THRAP3: variants seen among roughly 807,000 people sequenced by gnomAD.
The protein encoded by THRAP3 is thyroid hormone receptor-associated protein 3.
A neutral mutation model predicts 101.0 loss-of-function variants in THRAP3; 16 were observed. The ratio of observed to expected loss-of-function variants is 0.16; its 90% CI spans 0.11 to 0.24. The LOEUF is 0.24. Among genes scored for constraint, THRAP3 ranks in the 10% least tolerant of loss-of-function variants. The pLI, the probability that THRAP3 is intolerant of heterozygous loss-of-function variation, is 1.00. For synonymous variants in THRAP3, 407 were observed against 422.6 expected (o/e 0.96, Z 0.45); for missense variants, 989 against 1,202.7 (o/e 0.82, Z 2.63).
upstream of THRAP3, among the ~76,000 whole-genome samples, chr1:36,224,164 G>T (rs963421322): frequency 6.6e-6 from 1 of 152,234 alleles, no homozygotes. Flanking sequence ...AGTGGCGTCA[G>T]CAACGCCCCC....
intron 1 of THRAP3, among the ~76,000 whole-genome samples, chr1:36,258,227 A>G (rs1004905523): frequency 6.6e-6 from 1 of 152,240 alleles, no homozygotes; most frequent in Non-Finnish European, 1.5e-5. Context: ...CTCACTAGCT[A>G]GGCAGAGCTG....
Position 36,289,504 on chromosome 1 carries a change from C to T in THRAP3, c.1485C>T (p.Phe495=), listed in dbSNP as rs766849081. ...CAGAGGAGCTGGAGGAGGAGTCTTT[C>T]CCAGAGAGATCCAAAAAGGAAGATC... The part of the protein sequence containing the change: ...RKTEELEEES[F]PERSKKEDRG... Residue 495 remains phenylalanine (F), a synonymous_variant, in exon 5 of 12, where the codon TTC becomes TTT. Coordinates refer to ENST00000354618, the MANE Select transcript of THRAP3 (RefSeq NM_005119.4). The T allele has an allele frequency of 2.5e-6, 4 of 1,613,998 alleles. No individual in the cohort carries two copies. Among genetic ancestry groups the T allele is most frequent in the Admixed American group, 3.3e-5 (2 of 59,984 alleles).
At chr1:36,269,523 A>G (rs1645561522) in intron 2 of THRAP3, among the ~76,000 whole-genome samples, 1 of 152,058 alleles carries the variant, frequency 6.6e-6, no homozygotes, top group Non-Finnish European at 1.5e-5. Context: ...TTTACTTTAG[A>G]TGTGTTTGAG....
intron 1 of THRAP3, among the ~76,000 whole-genome samples, chr1:36,251,231 T>C (rs1334364443): frequency 2.0e-4 from 31 of 152,164 alleles, no homozygotes; most frequent in Admixed American, 2.0e-3. Flanking sequence ...AAGGAAATGC[T>C]GGTAGCTTAT....
intron 2 of THRAP3, among the ~76,000 whole-genome samples, chr1:36,272,979 C>A (rs1428829399): frequency 1.3e-5 from 2 of 152,110 alleles, no homozygotes; most frequent in Admixed American, 1.3e-4. Flanking sequence ...AATTATTGTT[C>A]CTTCTTGTGA....
At chr1:36,240,617 C>T (rs576491984) in intron 1 of THRAP3, among the ~76,000 whole-genome samples, 48 of 152,318 alleles carry the variant, frequency 3.2e-4, no homozygotes, top group African/African-American at 1.1e-3. Flanking sequence ...AACATTGCCT[C>T]AGCCATATAG....
chr1:36,219,032 C>T, the THRAP3 span, among the ~76,000 whole-genome samples: 1 of 64,708 alleles, frequency 1.5e-5, no homozygotes, highest in African/African-American at 4.3e-5. Flanking sequence ...GGCTCCATCT[C>T]AAAAAAAAAA....
Position 36,272,224 on chromosome 1 carries a change from C to T in THRAP3, c.-31-10309C>T, listed in dbSNP as rs553979516. On this transcript the variant is annotated intron_variant, in intron 2 of 11. Coordinates refer to ENST00000354618, the MANE Select transcript of THRAP3 (RefSeq NM_005119.4). ...TAAACAGTTAAATTAAATGACCATT[C>T]TCCCCAGAGGGACATCACCCCCACT... 2.6e-5 allele frequency among the ~76,000 whole-genome samples: 4 copies of T among 152,310 alleles called. No individual in the cohort carries two copies. In the South Asian group the frequency reaches 8.3e-4, roughly 32 times the overall value.
chr1:36,246,759 G>A (rs1439120750), intron 1 of THRAP3, among the ~76,000 whole-genome samples: 7 of 151,844 alleles, frequency 4.6e-5, no homozygotes, highest in Non-Finnish European at 1.0e-4. Context: ...GGAGAATGGC[G>A]TGAACCCAGG....
chr1:36,210,027 C>T, the THRAP3 span, among the ~76,000 whole-genome samples: 8 of 152,168 alleles, frequency 5.3e-5, no homozygotes, highest in Admixed American at 5.2e-4. Context: ...AAGTGTGGTC[C>T]ATACACTGGT....
chr1:36,274,036 C>G (rs1242739505), intron 2 of THRAP3, among the ~76,000 whole-genome samples: 1 of 144,480 alleles, frequency 6.9e-6, no homozygotes. Flanking sequence ...GAGCAAGACT[C>G]CACCTCAAAA....
At chr1:36,292,412 C>T (rs374741796) in intron 6 of THRAP3, among the ~76,000 whole-genome samples, 186 bp from the exon 7 acceptor site, 16 of 151,272 alleles carry the variant, frequency 1.1e-4, no homozygotes, top group East Asian at 7.8e-4. Flanking sequence ...GCTGGGACTA[C>T]AGGCGCCCGC....
chr1:36,265,930 G>C (rs1164087937), intron 2 of THRAP3, among the ~76,000 whole-genome samples: 3 of 151,970 alleles, frequency 2.0e-5, no homozygotes, highest in Admixed American at 6.6e-5. Context: ...GAGGCGGGCG[G>C]ATCATTTGAG....
chr1:36,293,640 C>CTGTGTGTGTGTGTGTGTGTGTGTGTG lies in THRAP3; in HGVS notation c.2031-197_2031-172dup, dbSNP rs577292328. 2.5e-4 allele frequency among the ~76,000 whole-genome samples: 34 copies of CTGTGTGTGTGTGTGTGTGTGTGTGTG among 133,420 alleles called. 1 individual carries two copies. The highest frequency in any genetic ancestry group is 6.8e-4 in the East Asian group (3 of 4,428). 87.5% of individuals were successfully genotyped at this position (133,420 alleles called of 152,430 possible). On this transcript the variant is annotated intron_variant, in intron 7 of 11. Coordinates refer to ENST00000354618, the MANE Select transcript of THRAP3 (RefSeq NM_005119.4). ...TCTGTTACACTGTGGGAACCTGGGA[C>CTGTGTGTGTGTGTGTGTGTGTGTGTG]TGTGTGTGTGTGTGTGTGTGTGTGT... is the stretch of plus-strand genomic sequence containing the variant.
chr1:36,243,150 T>A (rs140580705), intron 1 of THRAP3, among the ~76,000 whole-genome samples: 2 of 139,584 alleles, frequency 1.4e-5, no homozygotes, highest in South Asian at 2.2e-4. Flanking sequence ...TGAGGAACTT[T>A]CTTTTTTTTT....
intron 8 of THRAP3, among the ~76,000 whole-genome samples, chr1:36,295,356 C>T (rs1300631760): frequency 4.0e-5 from 6 of 151,778 alleles, no homozygotes; most frequent in Non-Finnish European, 8.8e-5. Context: ...CTCATTTCTT[C>T]CTCCCTGAGT....
the THRAP3 span, among the ~76,000 whole-genome samples, chr1:36,215,753 CT>C: frequency 0.013 from 1,945 of 144,832 alleles, 34 homozygotes; most frequent in African/African-American, 0.042. Flanking sequence ...AGAATATTTT[CT>C]TTTTTTTTTT....
chr1:36,279,784 T>G (rs1645708510), intron 2 of THRAP3, among the ~76,000 whole-genome samples: 1 of 152,228 alleles, frequency 6.6e-6, no homozygotes, highest in Non-Finnish European at 1.5e-5. Context: ...TTTTTTGTCT[T>G]TTGGAAAGTT....
Position 36,301,098 on chromosome 1 carries a change from C to T in THRAP3, c.2502+14C>T. 6.2e-7 allele frequency: 1 copy of T among 1,612,248 alleles called. No homozygotes were observed. Among genetic ancestry groups the T allele is most frequent in the Non-Finnish European group, 8.5e-7 (1 of 1,178,910 alleles). ...CGAGGAACCTTTGTAAGACCTTCCC[C>T]TCTCCCCCTTTCTCTGAGACCCTTG... On this transcript the variant is annotated intron_variant, in intron 10 of 11. Transcript: ENST00000354618.
Sources: gnomAD v4.1 joint callset for allele counts (sites outside exome capture counted in the v4.1 genomes callset) on GRCh38, gnomAD v4.1.1 for gene constraint, MANE v1.5 for transcripts, NCBI Gene and HGNC (gene_info 2026-07-23, HGNC 2026-07-21) for gene names.